NEGR1: variants seen among roughly 807,000 people sequenced by gnomAD.
NEGR1 encodes IgLON family member 4.
Under a neutral mutation model 40.9 loss-of-function variants are expected in NEGR1, and 10 were observed. The observed-to-expected ratio is 0.24, with a 90% confidence interval of 0.15 to 0.42. NEGR1 has a LOEUF of 0.42. Ranked by LOEUF, NEGR1 falls within the 10% of genes least tolerant of loss-of-function variation. The probability of loss-of-function intolerance (pLI) is 1.00; values close to 1 mark genes in which losing one functional copy is unlikely to be tolerated. For synonymous variants in NEGR1, 185 were observed against 166.8 expected (o/e 1.11, Z -0.84); for missense variants, 352 against 438.9 (o/e 0.80, Z 1.77).
chr1:71,860,588 A>T (rs1194666520), intron 2 of NEGR1, among the ~76,000 whole-genome samples: 1 of 152,034 alleles, frequency 6.6e-6, no homozygotes, highest in Non-Finnish European at 1.5e-5. Flanking sequence ...CACAAAATAC[A>T]ATGATAGATA....
At chr1:71,730,707 A>G (rs1306271020) in intron 3 of NEGR1, among the ~76,000 whole-genome samples, 2 of 151,434 alleles carry the variant, frequency 1.3e-5, no homozygotes, top group African/African-American at 4.8e-5. Flanking sequence ...ACCTTCTACA[A>G]TTAATATGAA....
rs188121167 is a variant in NEGR1, at chr1:71,528,162, C to A, written c.940+64655G>T. Among the ~76,000 whole-genome samples, 55 of 151,402 alleles carry A rather than the reference C, an allele frequency of 3.6e-4. No individual in the cohort carries two copies. In the East Asian group the frequency reaches 0.011, roughly 29 times the overall value. The stretch of plus-strand genomic sequence containing the variant: ...ATAGAAATTAAGTCAGTTTTTACCC[C>A]TAGTCTTCTACATTTTCTACCATTT... On this transcript the variant is annotated intron_variant, in intron 6 of 6. Coordinates refer to ENST00000357731, the MANE Select transcript of NEGR1 (RefSeq NM_173808.3).
chr1:72,268,101 C>T (rs758858774), intron 1 of NEGR1, among the ~76,000 whole-genome samples: 4 of 151,190 alleles, frequency 2.6e-5, no homozygotes, highest in African/African-American at 4.8e-5. Flanking sequence ...AGAGGTGAAC[C>T]TGAGACGTTA....
At chr1:71,706,872 G>A (rs112652739) in intron 3 of NEGR1, among the ~76,000 whole-genome samples, 22 of 152,104 alleles carry the variant, frequency 1.4e-4, no homozygotes, top group African/African-American at 5.1e-4. Context: ...TGAGGGTCTT[G>A]GTGAGCTTCT....
At chr1:71,913,296 G>C (rs1661474603) in intron 2 of NEGR1, among the ~76,000 whole-genome samples, 1 of 151,932 alleles carries the variant, frequency 6.6e-6, no homozygotes. Flanking sequence ...TTTATTTTTA[G>C]TAGTGATGGG....
At chr1:71,620,558 T>C (rs1650578101) in intron 4 of NEGR1, among the ~76,000 whole-genome samples, 1 of 152,012 alleles carries the variant, frequency 6.6e-6, no homozygotes, top group East Asian at 1.9e-4. Flanking sequence ...ATAGATCTCA[T>C]AGAAACATAT....
chr1:72,031,209 T>A (rs12119337), intron 1 of NEGR1, among the ~76,000 whole-genome samples: 30,145 of 152,142 alleles, frequency 0.2, 3,865 homozygotes, highest in Non-Finnish European at 0.29. Flanking sequence ...AGGCTCACCA[T>A]AAGAGACACT....
At chr1:71,898,101 C>A (rs576624550) in intron 2 of NEGR1, among the ~76,000 whole-genome samples, 4 of 152,078 alleles carry the variant, frequency 2.6e-5, no homozygotes, top group African/African-American at 9.7e-5. Context: ...GGAATTACTG[C>A]GAGTCTGTAA....
chr1:71,430,600 G>T (rs1197012666), intron 6 of NEGR1, among the ~76,000 whole-genome samples: 2 of 149,760 alleles, frequency 1.3e-5, no homozygotes, highest in Non-Finnish European at 3.0e-5. Flanking sequence ...AGTACAGAAA[G>T]TGTATAATTC....
chr1:72,270,306 T>C (rs1000238069), intron 1 of NEGR1, among the ~76,000 whole-genome samples: 2 of 151,894 alleles, frequency 1.3e-5, no homozygotes, highest in Admixed American at 6.6e-5. Context: ...CACTATGCTA[T>C]GCATTTTGCA....
chr1:72,223,201 G>A lies in NEGR1; in HGVS notation c.176+59118C>T, dbSNP rs1448248838. Among the ~76,000 whole-genome samples, 5 of 152,090 alleles carry A rather than the reference G, an allele frequency of 3.3e-5. No homozygotes were observed. In the East Asian group the frequency reaches 9.7e-4, roughly 29 times the overall value. ...CATGGAGCAAAACACAAGTCATCCT[G>A]TTTTACCAGTTCCACATTTATGACC... On this transcript the variant is annotated intron_variant, in intron 1 of 6. Coordinates refer to ENST00000357731, the MANE Select transcript of NEGR1 (RefSeq NM_173808.3).
At chr1:71,958,987 C>T (rs1217808169) in intron 1 of NEGR1, among the ~76,000 whole-genome samples, 3 of 150,772 alleles carry the variant, frequency 2.0e-5, no homozygotes, top group African/African-American at 7.3e-5. Context: ...ACTTCTCAAT[C>T]TTAATGTTGT....
intron 2 of NEGR1, among the ~76,000 whole-genome samples, chr1:71,840,100 A>G (rs944489707): frequency 9.2e-5 from 14 of 152,150 alleles, no homozygotes; most frequent in Admixed American, 2.6e-4. Flanking sequence ...TTTTCTGTCA[A>G]TATAATTCCT....
intron 1 of NEGR1, among the ~76,000 whole-genome samples, chr1:72,259,800 T>C (rs1655396963): frequency 6.6e-6 from 1 of 152,080 alleles, no homozygotes; most frequent in African/African-American, 2.4e-5. Context: ...GAGGTACACA[T>C]AAAACTATTC....
At chr1:72,197,754 C>A (rs1653051595) in intron 1 of NEGR1, among the ~76,000 whole-genome samples, 2 of 151,830 alleles carry the variant, frequency 1.3e-5, no homozygotes, top group African/African-American at 4.8e-5. Context: ...AAATAGAAGA[C>A]CCTAGCAAAG....
At chr1:72,030,880 A>C (rs1283138646) in intron 1 of NEGR1, among the ~76,000 whole-genome samples, 1 of 152,152 alleles carries the variant, frequency 6.6e-6, no homozygotes, top group African/African-American at 2.4e-5. Flanking sequence ...AATTGAACTT[A>C]CACATGGAAA....
chr1:71,817,856 C>T (rs981749721), intron 2 of NEGR1, among the ~76,000 whole-genome samples: 2 of 151,990 alleles, frequency 1.3e-5, no homozygotes, highest in African/African-American at 4.8e-5. Context: ...GTACAGTGGC[C>T]ACTAGCATGC....
At chr1:71,630,728 G>A (rs1160690486) in intron 4 of NEGR1, among the ~76,000 whole-genome samples, 4 of 151,858 alleles carry the variant, frequency 2.6e-5, no homozygotes, top group Non-Finnish European at 5.9e-5. Flanking sequence ...TGAAACAAAT[G>A]TTTCCAGGGC....
intron 2 of NEGR1, among the ~76,000 whole-genome samples, chr1:71,789,116 G>C (rs1054116838): frequency 6.6e-6 from 1 of 152,072 alleles, no homozygotes; most frequent in Non-Finnish European, 1.5e-5. Context: ...TCCAGGTCGA[G>C]TTATACACAT....
Sources: gnomAD v4.1 joint callset for allele counts (sites outside exome capture counted in the v4.1 genomes callset) on GRCh38, gnomAD v4.1.1 for gene constraint, MANE v1.5 for transcripts, NCBI Gene and HGNC (gene_info 2026-07-23, HGNC 2026-07-21) for gene names.